The following POU2F3 variants were observed in gnomAD, a reference collection of about 807,000 sequenced individuals.
POU2F3 encodes the protein POU domain, class 2, transcription factor 3.
A neutral mutation model predicts 59.2 loss-of-function variants in POU2F3; 23 were observed. That is an observed-to-expected ratio of 0.39 (90% confidence interval 0.28 to 0.55). The LOEUF (loss-of-function observed/expected upper bound fraction) is 0.55. Among genes scored for constraint, POU2F3 ranks in the 20% least tolerant of loss-of-function variants. The pLI, the probability that POU2F3 is intolerant of heterozygous loss-of-function variation, is 0.66. For missense variants in POU2F3, 473 were observed against 544.5 expected (o/e 0.87, Z 1.31); for synonymous variants, 190 against 214.6 (o/e 0.89, Z 1.00).
At chr11:120,246,817 G>A (rs1938897295) in intron 2 of POU2F3, among the ~76,000 whole-genome samples, 1 of 152,204 alleles carries the variant, frequency 6.6e-6, no homozygotes, top group African/African-American at 2.4e-5. Context: ...TGCTGTGACT[G>A]GCAGAGGCAG....
chr11:120,263,281 C>T (rs1415100635), intron 2 of POU2F3, among the ~76,000 whole-genome samples: 10 of 152,198 alleles, frequency 6.6e-5, no homozygotes, highest in African/African-American at 1.7e-4. Flanking sequence ...TGACCCACCG[C>T]GCCCAGCCTA....
chr11:120,289,245 TA>T (rs1353999214), intron 3 of POU2F3, among the ~76,000 whole-genome samples: 3 of 152,166 alleles, frequency 2.0e-5, no homozygotes, highest in Non-Finnish European at 4.4e-5. Flanking sequence ...AGCCCTTTGT[TA>T]AAAAAGAGAA....
chr11:120,238,108 C>T (rs766061891), upstream of POU2F3, among the ~76,000 whole-genome samples: 6 of 152,166 alleles, frequency 3.9e-5, no homozygotes, highest in East Asian at 5.8e-4. Context: ...GGCATGGTGG[C>T]GCATGCCTGT....
At chr11:120,266,100 A>G (rs1198681875) in intron 2 of POU2F3, among the ~76,000 whole-genome samples, 1 of 152,114 alleles carries the variant, frequency 6.6e-6, no homozygotes, top group Non-Finnish European at 1.5e-5. Flanking sequence ...GGGATATCTA[A>G]TTGGCATCTC....
At chr11:120,316,363 T>C (rs932232189) in intron 11 of POU2F3, among the ~76,000 whole-genome samples, 7 of 152,244 alleles carry the variant, frequency 4.6e-5, no homozygotes, top group Non-Finnish European at 7.3e-5. Flanking sequence ...AGCTGCTGAG[T>C]TGATGGCTGG....
chr11:120,307,232 A>G (rs1941519310), intron 8 of POU2F3, among the ~76,000 whole-genome samples: 1 of 152,200 alleles, frequency 6.6e-6, no homozygotes, highest in South Asian at 2.1e-4. Flanking sequence ...ACAGAGGGCC[A>G]TGGAGGGTCA....
intron 4 of POU2F3, among the ~76,000 whole-genome samples, chr11:120,298,985 T>C (rs1941268466): frequency 6.6e-6 from 1 of 152,094 alleles, no homozygotes; most frequent in South Asian, 2.1e-4. Context: ...AAACCTAAGC[T>C]CAACCTCATG....
rs902221616 is a variant in POU2F3 at position 120,319,452 on chromosome 11, T to C, written c.*1060T>C. Reference sequence around the variant, plus strand: ...GATTTTTTTTTCTTTTTCTTTTTTTTTTTTTTTTTTGAGACAGTCTTGCTC... The same window carrying C: ...GATTTTTTTTTCTTTTTCTTTTTTTCTTTTTTTTTTGAGACAGTCTTGCTC... On this transcript the variant is annotated 3_prime_UTR_variant, in exon 13 of 13. Coordinates refer to ENST00000543440, the MANE Select transcript of POU2F3 (RefSeq NM_014352.4). 2.1e-5 allele frequency: 3 copies of C among 146,326 alleles called. No individual in the cohort carries two copies. The highest frequency in any genetic ancestry group is 3.0e-5 in the Non-Finnish European group (2 of 66,962). 9.1% of individuals were successfully genotyped at this position (146,326 alleles called of 1,614,324 possible). A position where few individuals can be genotyped will look rare whatever the true frequency, so the allele number is the denominator to read the frequency against.
At chr11:120,272,897 C>G (rs1185355306) in intron 3 of POU2F3, among the ~76,000 whole-genome samples, 2 of 135,656 alleles carry the variant, frequency 1.5e-5, no homozygotes, top group African/African-American at 3.2e-5. Context: ...ATACAAACCT[C>G]TTCTTTCTGG....
rs1416476711 is a variant in POU2F3, at chr11:120,305,502, A to G, written c.628-142A>G. The G allele has an allele frequency of 5.5e-6, 7 of 1,269,868 alleles. No homozygotes were observed. In the Admixed American group the frequency reaches 1.5e-4, roughly 28 times the overall value. 78.7% of individuals were successfully genotyped at this position (1,269,868 alleles called of 1,614,324 possible). A position where few individuals can be genotyped will look rare whatever the true frequency, so the allele number is the denominator to read the frequency against. ...ACCGATTCTTCACCTTAGAGGGAGGAGACTTGGAAAGGAGCCGAGCATGGG... is the reference window on the plus strand; with the variant it reads ...ACCGATTCTTCACCTTAGAGGGAGGGGACTTGGAAAGGAGCCGAGCATGGG... On this transcript the variant is annotated intron_variant, in intron 7 of 12. Coordinates refer to ENST00000543440, the MANE Select transcript of POU2F3 (RefSeq NM_014352.4).
chr11:120,289,015 T>G (rs1261434754), intron 3 of POU2F3, among the ~76,000 whole-genome samples: 1 of 152,196 alleles, frequency 6.6e-6, no homozygotes, highest in African/African-American at 2.4e-5. Context: ...TTTTGAATGC[T>G]TACTAACTTT....
chr11:120,296,564 C>T (rs2135274964), intron 3 of POU2F3, among the ~76,000 whole-genome samples: 1 of 152,256 alleles, frequency 6.6e-6, no homozygotes, highest in East Asian at 1.9e-4. Context: ...TCACCTTCTA[C>T]CCTCCAACAG....
At chr11:120,298,582 G>T (rs922812231) in intron 4 of POU2F3, among the ~76,000 whole-genome samples, 192 bp downstream of exon 4, 1 of 152,304 alleles carries the variant, frequency 6.6e-6, no homozygotes, top group Middle Eastern at 3.4e-3. Context: ...GAAGAGGGAG[G>T]CCTCTACTTC....
At chr11:120,313,885 G>T (rs1349454233) in intron 10 of POU2F3, among the ~76,000 whole-genome samples, 1 of 152,074 alleles carries the variant, frequency 6.6e-6, no homozygotes, top group Non-Finnish European at 1.5e-5. Context: ...ATGGTGGCAG[G>T]TGCCTGTAAT....
At chr11:120,309,284 G>A in intron 9 of POU2F3, 141 bp from the exon 10 acceptor site, 1 of 831,464 alleles carries the variant, frequency 1.2e-6, no homozygotes, top group East Asian at 2.6e-5. Flanking sequence ...CACGTAGTAA[G>A]TGAAAAAGCC....
At chr11:120,278,384 T>G (rs1397647181) in intron 3 of POU2F3, among the ~76,000 whole-genome samples, 1 of 152,094 alleles carries the variant, frequency 6.6e-6, no homozygotes, top group East Asian at 1.9e-4. Flanking sequence ...AGAAAACATC[T>G]CCCGGGGTAG....
At chr11:120,237,823 G>A (rs1025016254), upstream of POU2F3, among the ~76,000 whole-genome samples, 7 of 152,144 alleles carry the variant, frequency 4.6e-5, no homozygotes, top group Admixed American at 1.3e-4. Context: ...AAGGCCAGAA[G>A]GGGATGGGAG....
At chr11:120,252,206 C>CT (rs1157582096) in intron 2 of POU2F3, among the ~76,000 whole-genome samples, 7,207 of 124,776 alleles carry the variant, frequency 0.058, 555 homozygotes, top group African/African-American at 0.17. Context: ...TTCTGCTTTT[C>CT]TTTTTTTTTT....
intron 2 of POU2F3, among the ~76,000 whole-genome samples, chr11:120,246,847 G>T (rs377029480): frequency 6.6e-6 from 1 of 152,168 alleles, no homozygotes; most frequent in Non-Finnish European, 1.5e-5. Flanking sequence ...TTCTTAGATG[G>T]GGACAAGGCC....
Sources: gnomAD v4.1 joint callset for allele counts (sites outside exome capture counted in the v4.1 genomes callset) on GRCh38, gnomAD v4.1.1 for gene constraint, MANE v1.5 for transcripts, NCBI Gene and HGNC (gene_info 2026-07-23, HGNC 2026-07-21) for gene names.